ORC4: variants seen among roughly 807,000 people sequenced by gnomAD.
The protein encoded by ORC4 is origin recognition complex, subunit 4 homolog.
In ORC4, 55 loss-of-function variants were observed where a neutral mutation model predicts 63.9. The observed-to-expected ratio is 0.86, with a 90% confidence interval of 0.69 to 1.08. The LOEUF (loss-of-function observed/expected upper bound fraction) is 1.08, where lower values mean the gene tolerates loss of function less well. Ranked by LOEUF, ORC4 falls within the 50% of genes least tolerant of loss-of-function variation. The pLI is 0.00. For synonymous variants in ORC4, 150 were observed against 168.5 expected (o/e 0.89, Z 0.85); for missense variants, 511 against 504.4 (o/e 1.01, Z -0.13).
chr2:147,997,603 T>A (rs1692048056), intron 1 of ORC4, among the ~76,000 whole-genome samples: 1 of 152,138 alleles, frequency 6.6e-6, no homozygotes, highest in Non-Finnish European at 1.5e-5. Context: ...CTATGATTAT[T>A]TCTTCTCAAA....
At chr2:147,957,930 T>C (rs1028508241) in intron 6 of ORC4, among the ~76,000 whole-genome samples, 7 of 152,142 alleles carry the variant, frequency 4.6e-5, no homozygotes, top group African/African-American at 1.4e-4. Flanking sequence ...CACAGGCTAC[T>C]CAAGTCTCAA....
At chr2:147,970,306 G>C (rs1211120455) in intron 4 of ORC4, among the ~76,000 whole-genome samples, 1 of 152,118 alleles carries the variant, frequency 6.6e-6, no homozygotes, top group Non-Finnish European at 1.5e-5. Flanking sequence ...AATTCACAAA[G>C]ATTCCCAGAA....
chr2:147,980,776 A>T (rs1273482071), intron 1 of ORC4, among the ~76,000 whole-genome samples: 1 of 152,224 alleles, frequency 6.6e-6, no homozygotes, highest in Admixed American at 6.5e-5. Flanking sequence ...AAAAATGTAA[A>T]TTAGTATAAT....
intron 1 of ORC4, among the ~76,000 whole-genome samples, chr2:147,990,532 A>T (rs868001565): frequency 1.3e-5 from 2 of 152,256 alleles, no homozygotes; most frequent in Non-Finnish European, 2.9e-5. Flanking sequence ...TTCTTCCTAA[A>T]GAGATCAGCT....
intron 4 of ORC4, among the ~76,000 whole-genome samples, chr2:147,962,820 C>A (rs954594923): frequency 6.6e-6 from 1 of 152,066 alleles, no homozygotes; most frequent in Admixed American, 6.6e-5. Context: ...GCAGACATAC[C>A]CCTAGCTTGC....
chr2:148,019,509 T>C (rs538771630), intron 1 of ORC4, among the ~76,000 whole-genome samples: 233 of 152,314 alleles, frequency 1.5e-3, no homozygotes, highest in Non-Finnish European at 8.5e-4. Context: ...GGAGAACTGC[T>C]TGAACCCAGG....
In ORC4 at chr2:147,934,173, A is replaced by C. The variant is rs550698182; in HGVS notation, c.*1337T>G. Reference sequence around the variant, plus strand: ...GCTGTGTTAGTTTTCTCATCTGTAAATAACTGCCTACATCTCACAGGGCCT... The same window carrying C: ...GCTGTGTTAGTTTTCTCATCTGTAACTAACTGCCTACATCTCACAGGGCCT... On this transcript the variant is annotated 3_prime_UTR_variant, in exon 14 of 14. Coordinates refer to ENST00000392857, the MANE Select transcript of ORC4 (RefSeq NM_181741.4). 6.6e-6 allele frequency: 1 copy of C among 152,312 alleles called. No homozygotes were observed. Among genetic ancestry groups the C allele is most frequent in the African/African-American group, 2.4e-5 (1 of 41,578 alleles). 9.4% of individuals were successfully genotyped at this position (152,312 alleles called of 1,614,324 possible).
At chr2:148,007,881 A>T (rs996566353) in intron 1 of ORC4, among the ~76,000 whole-genome samples, 1 of 152,230 alleles carries the variant, frequency 6.6e-6, no homozygotes, top group Non-Finnish European at 1.5e-5. Context: ...AGCAAACTTC[A>T]GCAGAAACGC....
Position 148,003,545 on chromosome 2 carries a change from C to T in ORC4, c.-18+17088G>A, listed in dbSNP as rs527543849. Among the ~76,000 whole-genome samples the T allele has an allele frequency of 2.6e-4, 39 of 152,160 alleles. No individual in the cohort carries two copies. The South Asian group carries it at 3.5e-3, about 14-fold the overall frequency. ...TCTCAATAGATGTAGAAAACGCCTT[C>T]GACAAAATTCAACACCCCTTCATGC... On this transcript the variant is annotated intron_variant, in intron 1 of 13. Transcript: ENST00000392857.
At chr2:148,010,310 C>T (rs556535716) in intron 1 of ORC4, among the ~76,000 whole-genome samples, 15 of 150,862 alleles carry the variant, frequency 9.9e-5, no homozygotes, top group African/African-American at 3.7e-4. Flanking sequence ...CATGCCAAGC[C>T]CCAAATTAAG....
At chr2:147,999,645 C>G (rs1245630691) in intron 1 of ORC4, among the ~76,000 whole-genome samples, 1 of 152,060 alleles carries the variant, frequency 6.6e-6, no homozygotes, top group African/African-American at 2.4e-5. Flanking sequence ...TTGGAGAACT[C>G]TTCTTATTAG....
chr2:148,005,671 A>C (rs1008708548), intron 1 of ORC4, among the ~76,000 whole-genome samples: 114 of 150,440 alleles, frequency 7.6e-4, no homozygotes, highest in African/African-American at 2.6e-3. Context: ...AAAAAAAAAA[A>C]AAAAAAAAAC....
chr2:147,965,742 T>C (rs1324821754), intron 4 of ORC4, among the ~76,000 whole-genome samples: 3 of 152,156 alleles, frequency 2.0e-5, no homozygotes, highest in Non-Finnish European at 4.4e-5. Context: ...CTATAGAACA[T>C]TTCACCCAAC....
intron 10 of ORC4, among the ~76,000 whole-genome samples, chr2:147,939,960 AAT>A (rs1553450057): frequency 6.6e-6 from 1 of 152,198 alleles, no homozygotes; most frequent in Non-Finnish European, 1.5e-5. Flanking sequence ...TCAAATAAAC[AAT>A]AAATAGTTTC....
chr2:147,938,378 T>C lies in ORC4; in HGVS notation c.974A>G (p.Glu325Gly). The C allele has an allele frequency of 6.3e-7, 1 of 1,595,808 alleles. No homozygotes were observed. Among genetic ancestry groups the C allele is most frequent in the Non-Finnish European group, 8.6e-7 (1 of 1,165,242 alleles). ...ANIVHGLSVL[E>G]ICLIIAMKHL... is the part of the protein sequence containing the mutation. ...TTTCATTGCTATTATAAGACAGATT[T>C]CCAAGACTGATAGACCTACAGTAAA... The change falls in exon 12 of 14, where the codon GAA becomes GGA. Residue 325 changes from glutamate to glycine, a missense_variant. Physicochemically the swap from Glu to Gly is moderately conservative, Grantham distance 98. Coordinates refer to ENST00000392857, the MANE Select transcript of ORC4 (RefSeq NM_181741.4).
chr2:147,953,170 T>TA (rs578262781), intron 7 of ORC4, among the ~76,000 whole-genome samples: 478 of 140,668 alleles, frequency 3.4e-3, no homozygotes, highest in Non-Finnish European at 4.0e-3. Flanking sequence ...TCTCTGCTAT[T>TA]AAAAAAAAAA....
rs1417303422 is a variant in ORC4 at position 147,932,091 on chromosome 2, A to G, written c.*3419T>C. 2 of 151,556 alleles carry G rather than the reference A, an allele frequency of 1.3e-5. No homozygotes were observed. Among genetic ancestry groups the G allele is most frequent in the Non-Finnish European group, 3.0e-5 (2 of 67,762 alleles). The allele number at this position is 151,556 out of a possible 1,614,324, so 9.4% of individuals were successfully genotyped here. On this transcript the variant is annotated 3_prime_UTR_variant, in exon 14 of 14. Transcript: ENST00000392857. ...AGCCCAAAATCTCCTTAAGCTGATA[A>G]GCAACTTCAGCAAAGTCTCAGGATA...
intron 1 of ORC4, among the ~76,000 whole-genome samples, chr2:148,020,099 G>A (rs984419097): frequency 2.0e-5 from 3 of 152,092 alleles, no homozygotes; most frequent in African/African-American, 7.2e-5. Context: ...TAGCAACAAC[G>A]CAAGACATGG....
intron 9 of ORC4, among the ~76,000 whole-genome samples, chr2:147,944,315 G>A (rs1688536805): frequency 6.6e-6 from 1 of 151,864 alleles, no homozygotes; most frequent in Non-Finnish European, 1.5e-5. Context: ...GTAGTAGGTG[G>A]GAAAAGAGAA....
Sources: allele counts gnomAD v4.1 joint callset (sites outside exome capture counted in the v4.1 genomes callset), GRCh38; gene constraint gnomAD v4.1.1; transcripts MANE v1.5; gene names NCBI Gene and HGNC (gene_info 2026-07-23, HGNC 2026-07-21).